BCO1: variants seen among roughly 807,000 people sequenced by gnomAD.
BCO1 encodes beta,beta-carotene 15,15'-dioxygenase.
A neutral mutation model predicts 56.3 loss-of-function variants in BCO1; 54 were observed. The ratio of observed to expected loss-of-function variants is 0.96; its 90% CI spans 0.77 to 1.20. The LOEUF is 1.20. Ranked by LOEUF, BCO1 falls within the 50% of genes most tolerant of loss-of-function variation. BCO1 has a pLI of 0.00. For missense variants in BCO1, 801 were observed against 690.9 expected (o/e 1.16, Z -1.79); for synonymous variants, 318 against 266.1 (o/e 1.20, Z -1.90).
rs140291898 is a variant in BCO1 at position 81,248,499 on chromosome 16, G to T, written c.193+2896G>T. Among the ~76,000 whole-genome samples, 503 of 151,592 alleles carry T rather than the reference G, an allele frequency of 3.3e-3. 4 individuals are homozygous for T. Among genetic ancestry groups the T allele is most frequent in the African/African-American group, 0.012 (481 of 41,294 alleles). Reference sequence around the variant, plus strand: ...AATGTGTACTCTATGCCAGTGCCTTGCTCTAACATTTACACATGAATAGAG... The same window carrying T: ...AATGTGTACTCTATGCCAGTGCCTTTCTCTAACATTTACACATGAATAGAG... On this transcript the variant is annotated intron_variant, in intron 2 of 10. Coordinates refer to ENST00000258168, the MANE Select transcript of BCO1 (RefSeq NM_017429.3).
intron 10 of BCO1, among the ~76,000 whole-genome samples, chr16:81,288,438 A>AT (rs918078961): frequency 1.3e-5 from 2 of 151,872 alleles, no homozygotes; most frequent in African/African-American, 2.4e-5. Context: ...CATTCTTTTT[A>AT]TTTTTTTGTA....
intron 2 of BCO1, among the ~76,000 whole-genome samples, chr16:81,256,492 G>T (rs969232464): frequency 6.6e-6 from 1 of 152,100 alleles, no homozygotes; most frequent in Non-Finnish European, 1.5e-5. Flanking sequence ...AATGCGTTCT[G>T]TAAAAGGAAA....
intron 8 of BCO1, among the ~76,000 whole-genome samples, chr16:81,282,317 A>C (rs1428803442): frequency 2.0e-5 from 3 of 152,172 alleles, no homozygotes; most frequent in Non-Finnish European, 4.4e-5. Context: ...CCCCGAAGGC[A>C]GAGCAGAGAG....
chr16:81,257,999 C>A (rs8053144), intron 2 of BCO1, among the ~76,000 whole-genome samples: 1 of 151,792 alleles, frequency 6.6e-6, no homozygotes. Context: ...GAAGCAGGAG[C>A]GTCAGCCTCA....
rs753967303 is a variant in BCO1 at position 81,290,556 on chromosome 16, C to T, written c.1623C>T (p.Cys541=). 42 of 1,613,504 alleles carry T rather than the reference C, an allele frequency of 2.6e-5. No individual in the cohort carries two copies. In the African/African-American group the frequency reaches 4.8e-4, roughly 18 times the overall value. ...AACAGCGGGACAGGGCTTCCGACTG[C>T]CACGGGGCTCCTCTGACCTGATGGT... is the stretch of plus-strand genomic sequence containing the variant. ...SEEQRDRASD[C]HGAPLT The change falls in exon 11 of 11, where the codon TGC becomes TGT. Residue 541 remains cysteine, a synonymous_variant. Coordinates refer to ENST00000258168, the MANE Select transcript of BCO1 (RefSeq NM_017429.3).
intron 7 of BCO1, among the ~76,000 whole-genome samples, chr16:81,275,056 C>T (rs981131182): frequency 2.6e-5 from 4 of 152,244 alleles, no homozygotes; most frequent in South Asian, 4.1e-4. Context: ...TCAATGGCTC[C>T]GCCTGCATAG....
At chr16:81,275,637 T>G (rs1458625374) in intron 7 of BCO1, among the ~76,000 whole-genome samples, 1 of 152,246 alleles carries the variant, frequency 6.6e-6, no homozygotes, top group Admixed American at 6.5e-5. Flanking sequence ...AATGAATGAA[T>G]GAATGATGAA....
intron 1 of BCO1, among the ~76,000 whole-genome samples, chr16:81,240,704 A>AAAAT (rs1403818429): frequency 1.3e-5 from 2 of 152,214 alleles, no homozygotes; most frequent in African/African-American, 4.8e-5. Flanking sequence ...CCCTGTCTCA[A>AAAAT]AAATAAATAA....
intron 8 of BCO1, among the ~76,000 whole-genome samples, chr16:81,282,559 AC>A (rs1325084619): frequency 6.6e-6 from 1 of 151,974 alleles, no homozygotes; most frequent in African/African-American, 2.4e-5. Flanking sequence ...GCATCCCATA[AC>A]CGGTTCTGTG....
chr16:81,262,292 A>T lies in BCO1; in HGVS notation c.471+9A>T. 6.2e-7 allele frequency: 1 copy of T among 1,611,218 alleles called. No homozygotes were observed. On this transcript the variant is annotated intron_variant, in intron 4 of 10. Transcript: ENST00000258168. ...TGGAAACCCTGGAGAAGGTATCAAC[A>T]CATATGTAACCAGCATCACTTCCTG...
chr16:81,265,075 T>C (rs1481558368), intron 5 of BCO1, among the ~76,000 whole-genome samples: 1 of 151,218 alleles, frequency 6.6e-6, no homozygotes, highest in Non-Finnish European at 1.5e-5. Flanking sequence ...CATCATCTAT[T>C]TACCATCCAA....
intron 2 of BCO1, among the ~76,000 whole-genome samples, chr16:81,248,716 A>G (rs1303045803): frequency 6.6e-6 from 1 of 152,110 alleles, no homozygotes; most frequent in Non-Finnish European, 1.5e-5. Context: ...ATAGAAGGTA[A>G]ATGCACCAGT....
At chr16:81,250,193 C>T (rs1460119734) in intron 2 of BCO1, among the ~76,000 whole-genome samples, 1 of 152,146 alleles carries the variant, frequency 6.6e-6, no homozygotes, top group Non-Finnish European at 1.5e-5. Context: ...AAGTCACTTA[C>T]CCAGAAGCAC....
chr16:81,266,088 A>G (rs1906810988), intron 5 of BCO1, among the ~76,000 whole-genome samples: 1 of 151,832 alleles, frequency 6.6e-6, no homozygotes, highest in South Asian at 2.1e-4. Context: ...AAAACTTTCT[A>G]TGACAAGGTT....
At chr16:81,254,236 C>G (rs562869179) in intron 2 of BCO1, among the ~76,000 whole-genome samples, 260 of 151,688 alleles carry the variant, frequency 1.7e-3, no homozygotes, top group African/African-American at 6.1e-3. Flanking sequence ...TCAAGCAATT[C>G]TCCTGCCTCA....
At chr16:81,261,903 G>A in intron 3 of BCO1, 9 of 432,874 alleles carry the variant, frequency 2.1e-5, no homozygotes, top group South Asian at 1.0e-4. Context: ...CACCACGCCC[G>A]GCTGATTTTT....
intron 2 of BCO1, among the ~76,000 whole-genome samples, chr16:81,251,874 A>ATGTGTGTGTGTGTGTGCGTG (rs1905825790): frequency 2.0e-5 from 3 of 146,694 alleles, no homozygotes; most frequent in African/African-American, 7.7e-5. Flanking sequence ...ACACACATAT[A>ATGTGTGTGTGTGTGTGCGTG]TGTGTGTGTG....
At chr16:81,253,390 A>G (rs1396768664) in intron 2 of BCO1, among the ~76,000 whole-genome samples, 1 of 152,180 alleles carries the variant, frequency 6.6e-6, no homozygotes, top group Non-Finnish European at 1.5e-5. Context: ...TCCTCATGTC[A>G]TAGTGGAGGG....
intron 1 of BCO1, among the ~76,000 whole-genome samples, chr16:81,243,123 G>A (rs1008382104): frequency 6.6e-6 from 1 of 152,192 alleles, no homozygotes; most frequent in Admixed American, 6.5e-5. Flanking sequence ...GCATAAGGGA[G>A]ATGGCTTTTT....
Sources: gnomAD v4.1 joint callset for allele counts (sites outside exome capture counted in the v4.1 genomes callset) on GRCh38, gnomAD v4.1.1 for gene constraint, MANE v1.5 for transcripts, NCBI Gene and HGNC (gene_info 2026-07-23, HGNC 2026-07-21) for gene names.